Variants in MYH13 observed in about 807,000 individuals in gnomAD.
MYH13 encodes the protein myosin-13.
Under a neutral mutation model 232.1 loss-of-function variants are expected in MYH13, and 177 were observed. The ratio of observed to expected loss-of-function variants is 0.76; its 90% CI spans 0.67 to 0.86. The LOEUF (loss-of-function observed/expected upper bound fraction) is 0.86, where lower values mean the gene tolerates loss of function less well. MYH13 is among the 40% of genes least tolerant of loss of function. The pLI is 0.00. For missense variants in MYH13, 2,246 were observed against 2,405.9 expected (o/e 0.93, Z 1.39); for synonymous variants, 884 against 923.5 (o/e 0.96, Z 0.78).
intron 11 of MYH13, among the ~76,000 whole-genome samples, chr17:10,351,907 GC>G (rs1772179911): frequency 6.6e-6 from 1 of 152,122 alleles, no homozygotes; most frequent in Non-Finnish European, 1.5e-5. Flanking sequence ...GACCCAATAG[GC>G]CAACACCAGC....
chr17:10,306,220 ATGTGTGTGTGTGTG>A lies in MYH13; in HGVS notation c.5466+225_5466+238del, dbSNP rs34889608. On this transcript the variant is annotated intron_variant, in intron 37 of 40. Coordinates refer to ENST00000252172, the MANE Select transcript of MYH13 (RefSeq NM_003802.3). The surrounding 1 kb of genome is among the most constrained non-coding windows in gnomAD (Gnocchi z 4.3). The stretch of plus-strand genomic sequence containing the variant: ...CTGAGGTGTGAGCATACCAAAATAG[ATGTGTGTGTGTGTG>A]TGTGTGTGTGTGTGTGTGTGTGTGT... Among the ~76,000 whole-genome samples, 280 of 130,034 alleles carry A rather than the reference ATGTGTGTGTGTGTG, an allele frequency of 2.2e-3. No homozygotes were observed. Among genetic ancestry groups the A allele is most frequent in the Admixed American group, 4.6e-3 (60 of 12,960 alleles). 85.3% of individuals were successfully genotyped at this position (130,034 alleles called of 152,430 possible). A position where few individuals can be genotyped will look rare whatever the true frequency, so the allele number is the denominator to read the frequency against.
At chr17:10,357,413 A>T (rs1016565629) in intron 8 of MYH13, among the ~76,000 whole-genome samples, 3 of 152,204 alleles carry the variant, frequency 2.0e-5, no homozygotes, top group Admixed American at 6.5e-5. Context: ...TTAACATTTT[A>T]AAATGTTTCC....
intron 7 of MYH13, among the ~76,000 whole-genome samples, chr17:10,359,718 A>G (rs1009568732): frequency 2.0e-5 from 3 of 152,270 alleles, no homozygotes; most frequent in African/African-American, 7.2e-5. Flanking sequence ...TTAGTATCAG[A>G]ATTGAATTGA....
At chr17:10,302,434 C>T (rs1015413352) in intron 39 of MYH13, among the ~76,000 whole-genome samples, 1 of 152,116 alleles carries the variant, frequency 6.6e-6, no homozygotes. Flanking sequence ...ATTCTGGAAC[C>T]CTTCTTCCAC....
Position 10,330,467 on chromosome 17 carries a change from C to T in MYH13, c.2355G>A (p.Leu785=). 4 of 1,612,832 alleles carry T rather than the reference C, an allele frequency of 2.5e-6. No homozygotes were observed. Among genetic ancestry groups the T allele is most frequent in the Non-Finnish European group, 3.4e-6 (4 of 1,179,692 alleles). Residue 785 remains leucine, a synonymous_variant, in exon 21 of 41, where the codon CTG becomes CTA. Transcript: ENST00000252172. ...GLLEEMRDEK[L]VTLMTSTQAV... ...CCTGCGTGCTTGTCATCAGCGTCAC[C>T]AGCTTCTCATCTCTCATCTCCTCCA...
intron 23 of MYH13, among the ~76,000 whole-genome samples, chr17:10,322,342 G>A (rs1357951360): frequency 6.6e-6 from 1 of 152,158 alleles, no homozygotes; most frequent in Non-Finnish European, 1.5e-5. Flanking sequence ...AGGTTGCAGT[G>A]AGCTGAGATT....
At chr17:10,333,429 G>A (rs1042312898) in intron 18 of MYH13, among the ~76,000 whole-genome samples, 10 of 152,212 alleles carry the variant, frequency 6.6e-5, no homozygotes, top group Non-Finnish European at 1.5e-4. Flanking sequence ...GTGGCAGTAA[G>A]AGCCAAAGCA....
chr17:10,324,178 C>G lies in MYH13; in HGVS notation c.2778G>C (p.Leu926=), dbSNP rs1455613057. The G allele has an allele frequency of 6.2e-7, 1 of 1,613,876 alleles. No homozygotes were observed. The highest frequency in any genetic ancestry group is 1.3e-5 in the African/African-American group (1 of 74,932). ...CCTCTTCCTCTTCCAATCTCTCCGTCAGCTCCTTGACTTTTGCTTCCAGTA... is the reference window on the plus strand; with the variant it reads ...CCTCTTCCTCTTCCAATCTCTCCGTGAGCTCCTTGACTTTTGCTTCCAGTA... The part of the protein sequence containing the change: ...KILLEAKVKE[L]TERLEEEEEM... Residue 926 remains leucine, a synonymous_variant, in exon 23 of 41, where the codon CTG becomes CTC. Coordinates refer to ENST00000252172, the MANE Select transcript of MYH13 (RefSeq NM_003802.3).
chr17:10,357,821 G>C lies in MYH13; in HGVS notation c.652C>G (p.Leu218Val), dbSNP rs1244910244. ...ETQPGKMQGT[L>V]EDQIIQANPL... ...TTGGCCTGGATGATCTGATCCTCTA[G>C]GGTTCCCTAATAATAAACAAGAAGA... is the stretch of plus-strand genomic sequence containing the variant. The change falls in exon 8 of 41, where the codon CTA becomes GTA. Residue 218 changes from leucine (L) to valine (V), a missense_variant. By Grantham distance (32) the Leu-to-Val change is conservative (BLOSUM62 1). Coordinates refer to ENST00000252172, the MANE Select transcript of MYH13 (RefSeq NM_003802.3). 6.2e-7 allele frequency: 1 copy of C among 1,613,224 alleles called. No individual in the cohort carries two copies. The highest frequency in any genetic ancestry group is 8.5e-7 in the Non-Finnish European group (1 of 1,179,528).
Position 10,345,364 on chromosome 17 carries a change from GC to G in MYH13, c.1421del (p.Ser474ThrfsTer130), listed in dbSNP as rs2071655460. On this transcript the variant is annotated frameshift_variant, in exon 15 of 41. Transcript: ENST00000252172. LOFTEE classifies it high-confidence loss of function. ...TGAAGTTGATGCACAGCTGCTCCAGGCTGTTGAACTGGGTGATTCAAATACC... is the reference window on the plus strand; with the variant it reads ...TGAAGTTGATGCACAGCTGCTCCAGGTGTTGAACTGGGTGATTCAAATACC... ...IAGFEIFDFN[S>X]LEQLCINFTN... is the part of the protein sequence containing the mutation. 6.2e-7 allele frequency: 1 copy of G among 1,614,240 alleles called. No individual in the cohort carries two copies. Among genetic ancestry groups the G allele is most frequent in the East Asian group, 2.2e-5 (1 of 44,888 alleles).
At chr17:10,326,002 T>G (rs1907185882) in intron 22 of MYH13, among the ~76,000 whole-genome samples, 1 of 152,200 alleles carries the variant, frequency 6.6e-6, no homozygotes, top group South Asian at 2.1e-4. Flanking sequence ...AGACACACAC[T>G]GCAGGGTAAT....
chr17:10,341,867 G>C (rs1488591546), intron 16 of MYH13, among the ~76,000 whole-genome samples: 1 of 152,054 alleles, frequency 6.6e-6, no homozygotes, highest in Non-Finnish European at 1.5e-5. Flanking sequence ...TGGCCCAGAG[G>C]ACATTAGGCT....
In MYH13 at chr17:10,309,364, C is replaced by T. The variant is rs747286137; in HGVS notation, c.5039G>A (p.Arg1680His). 1.9e-6 allele frequency: 3 copies of T among 1,613,324 alleles called. No individual in the cohort carries two copies. Among genetic ancestry groups the T allele is most frequent in the Admixed American group, 1.7e-5 (1 of 59,942 alleles). Reference sequence around the variant, plus strand: ...CTCCTCCAGCAGGAGGCCATTCCTGCGCTCCACGATGGCCAGCTGCTCCTT... The same window carrying T: ...CTCCTCCAGCAGGAGGCCATTCCTGTGCTCCACGATGGCCAGCTGCTCCTT... ...DLKEQLAIVE[R>H]RNGLLLEELE... Residue 1680 changes from arginine (R) to histidine (H), a missense_variant, in exon 35 of 41, where the codon CGC becomes CAC. Coordinates refer to ENST00000252172, the MANE Select transcript of MYH13 (RefSeq NM_003802.3).
intron 20 of MYH13, 122 bp downstream of exon 20, chr17:10,331,977 G>T: frequency 8.0e-7 from 1 of 1,254,438 alleles, no homozygotes; most frequent in Non-Finnish European, 1.1e-6. Flanking sequence ...CCCCTTACCT[G>T]GGCGACTGGG....
intron 21 of MYH13, among the ~76,000 whole-genome samples, chr17:10,328,746 C>T (rs1907310919): frequency 6.7e-6 from 1 of 149,206 alleles, no homozygotes; most frequent in Non-Finnish European, 1.5e-5. Context: ...GGTGCAATCT[C>T]GGCTCACTGC....
In MYH13 at chr17:10,318,910, C is replaced by T. The variant is rs1430549432; in HGVS notation, c.3618G>A (p.Glu1206=). The T allele has an allele frequency of 1.2e-6, 2 of 1,614,162 alleles. No individual in the cohort carries two copies. The highest frequency in any genetic ancestry group is 1.7e-6 in the Non-Finnish European group (2 of 1,180,034). The change falls in exon 27 of 41, where the codon GAG becomes GAA. Residue 1206 remains glutamate, a synonymous_variant. Transcript: ENST00000252172. ...LRKKQADSVA[E]LGEQIDNLQR... is the part of the protein sequence containing the mutation. Reference sequence around the variant, plus strand: ...GCAGGTTGTCAATCTGCTCCCCAAGCTCGGCCACACTATCTGCTTGCTTCT... The same window carrying T: ...GCAGGTTGTCAATCTGCTCCCCAAGTTCGGCCACACTATCTGCTTGCTTCT...
Position 10,310,094 on chromosome 17 carries a change from G to GTTT in MYH13, c.4657-267_4657-265dup, listed in dbSNP as rs61271828. ...TGCCCAGAGCCCAAATAGGTTTTGT[G>GTTT]TTTTTTTTTTTTTTTGGACAGAGTC... On this transcript the variant is annotated intron_variant, in intron 33 of 40. Transcript: ENST00000252172. Among the ~76,000 whole-genome samples, 152 of 132,062 alleles carry GTTT rather than the reference G, an allele frequency of 1.2e-3. 1 individual carries two copies. In the East Asian group the frequency reaches 0.026, roughly 22 times the overall value. 86.6% of individuals were successfully genotyped at this position (132,062 alleles called of 152,430 possible). A position where few individuals can be genotyped will look rare whatever the true frequency, so the allele number is the denominator to read the frequency against.
At chr17:10,325,681 ATTTG>A (rs965522007) in intron 22 of MYH13, among the ~76,000 whole-genome samples, 3 of 152,124 alleles carry the variant, frequency 2.0e-5, no homozygotes, top group African/African-American at 7.2e-5. Context: ...TTATTTATAT[ATTTG>A]TTTATTTATT....
At chr17:10,346,238 GATTA>G (rs907476315) in intron 13 of MYH13, among the ~76,000 whole-genome samples, 12 of 152,056 alleles carry the variant, frequency 7.9e-5, no homozygotes, top group African/African-American at 2.7e-4. Flanking sequence ...ATCCAGATTG[GATTA>G]ATTGAGTATC....
Sources: allele counts gnomAD v4.1 joint callset (sites outside exome capture counted in the v4.1 genomes callset), GRCh38; gene constraint gnomAD v4.1.1; non-coding constraint Gnocchi (gnomAD v3.1); transcripts MANE v1.5; gene names NCBI Gene and HGNC (gene_info 2026-07-23, HGNC 2026-07-21).